NBPF14: variants seen among roughly 807,000 people sequenced by gnomAD.
NBPF14 encodes NBPF family member NBPF14.
In NBPF14, 104 loss-of-function variants were observed where a neutral mutation model predicts 91.2. The ratio of observed to expected loss-of-function variants is 1.14; its 90% confidence interval spans 0.97 to 1.34. The LOEUF (loss-of-function observed/expected upper bound fraction) is 1.34, where lower values mean the gene tolerates loss of function less well. NBPF14 is among the 40% of genes most tolerant of loss of function. The probability of loss-of-function intolerance (pLI) is 0.00; values close to 1 mark genes in which losing one functional copy is unlikely to be tolerated. For synonymous variants in NBPF14, 294 were observed against 303.8 expected, an observed-to-expected ratio of 0.97 and a Z score of 0.34; for missense variants, 908 against 783.0, an observed-to-expected ratio of 1.16 and a Z score of -1.91.
intron 7 of NBPF14, among the ~76,000 whole-genome samples, chr1:148,587,851 AT>A (rs1661810613): frequency 7.0e-6 from 1 of 142,426 alleles, no homozygotes; most frequent in East Asian, 2.0e-4. Context: ...TATGCGAAAG[AT>A]TTTTAAAATC....
At chr1:148,587,386 C>G in exon 8 of NBPF14, 1 of 1,580,116 alleles carries the variant, frequency 6.3e-7, no homozygotes, top group Non-Finnish European at 8.6e-7. Flanking sequence ...TTTATGAGGT[C>G]TTTGCACTCT....
intron 13 of NBPF14, among the ~76,000 whole-genome samples, 190 bp from the exon 14 acceptor site, chr1:148,578,224 G>T (rs1284262409): frequency 1.3e-5 from 2 of 151,630 alleles, no homozygotes; most frequent in African/African-American, 2.4e-5. Context: ...ATGAGCCTTG[G>T]GCAAAATTCC....
intron 2 of NBPF14, among the ~76,000 whole-genome samples, chr1:148,595,318 A>T (rs1481757620): frequency 6.7e-6 from 1 of 148,308 alleles, no homozygotes; most frequent in African/African-American, 2.5e-5. Flanking sequence ...AATAACTGTG[A>T]GTTTAACTCT....
At position 148,534,809 on chromosome 1, in the gene NBPF14, T is replaced by C. The variant is rs1570903444; in HGVS notation, c.8489A>G (p.Asp2830Gly). Residue 2830 changes from aspartate to glycine, a missense_variant, in exon 69 of 71, where the codon GAC becomes GGC. Around this residue, in one of 13 missense-constraint regions of NBPF14, gnomAD observed 279 missense variants for 107.7 expected, o/e 2.59. Transcript: ENST00000619423. ...AGTCGAATAACATCTATCCAGTGAGTCCTGCAAGACTTCAGGATCTTTCTC... is the reference window on the plus strand; with the variant it reads ...AGTCGAATAACATCTATCCAGTGAGCCCTGCAAGACTTCAGGATCTTTCTC... The C allele has an allele frequency of 9.6e-6, 10 of 1,044,890 alleles. No individual in the cohort carries two copies. In the East Asian group the frequency reaches 1.7e-4, roughly 17 times the overall value. The allele number at this position is 1,044,890 out of a possible 1,614,324, so 64.7% of individuals were successfully genotyped here.
In NBPF14 at chr1:148,534,725, G is replaced by C; in HGVS notation, c.8573C>G (p.Ser2858Ter). The C allele has an allele frequency of 1.2e-6, 1 of 836,386 alleles. No individual in the cohort carries two copies. Among genetic ancestry groups the C allele is most frequent in the Non-Finnish European group, 2.1e-6 (1 of 481,168 alleles). 51.8% of individuals were successfully genotyped at this position (836,386 alleles called of 1,614,324 possible). A position where few individuals can be genotyped will look rare whatever the true frequency, so the allele number is the denominator to read the frequency against. ...CAAGCCAAGGTACTGTTCCTCCAAT[G>C]AGTAAACAGCACTGCTGTAGGGCTG... is the stretch of plus-strand genomic sequence containing the variant. Residue 2858 changes from serine to a stop codon, truncating the protein, a stop_gained, in exon 69 of 71, where the codon TCA (serine) becomes TGA (stop). Transcript: ENST00000619423. LOFTEE classifies it high-confidence loss of function.
chr1:148,536,001 C>T (rs1269671836), intron 67 of NBPF14, among the ~76,000 whole-genome samples: 649 of 122,556 alleles, frequency 5.3e-3, no homozygotes, highest in African/African-American at 0.01. Context: ...AGGATTAGGG[C>T]GCCACAGGCA....
intron 68 of NBPF14, 36 bp from the exon 69 acceptor site, chr1:148,534,892 G>C (rs1315260913): frequency 4.2e-6 from 3 of 718,024 alleles, no homozygotes; most frequent in Non-Finnish European, 7.6e-6. Flanking sequence ...ATAAGCCAGG[G>C]GGAATCAGAA....
At chr1:148,577,543 G>A (rs1385734572) in intron 14 of NBPF14, among the ~76,000 whole-genome samples, 188 bp from the exon 15 acceptor site, 2 of 141,144 alleles carry the variant, frequency 1.4e-5, no homozygotes, top group Non-Finnish European at 3.1e-5. Context: ...GAACGAGAAA[G>A]ACACACACAC....
intron 40 of NBPF14, among the ~76,000 whole-genome samples, chr1:148,557,085 C>T (rs1392506752): frequency 8.3e-6 from 1 of 120,658 alleles, no homozygotes; most frequent in African/African-American, 4.3e-5. Context: ...CACACACACA[C>T]ACAGAGAGAG....
At chr1:148,534,880 G>A (rs1183286070) in intron 68 of NBPF14, 24 bp from the exon 69 acceptor site, 6 of 759,258 alleles carry the variant, frequency 7.9e-6, no homozygotes, top group Non-Finnish European at 1.4e-5. Context: ...AAAAAGTAAA[G>A]AATAAGCCAG....
At chr1:148,535,918 G>A (rs1655089715) in intron 67 of NBPF14, among the ~76,000 whole-genome samples, 1 of 150,452 alleles carries the variant, frequency 6.6e-6, no homozygotes, top group Admixed American at 6.6e-5. Flanking sequence ...AAATCTACAA[G>A]ATCTACAAAA....
At position 148,575,635 on chromosome 1, in the gene NBPF14, T is replaced by A; in HGVS notation, c.2251+4A>T. ...GCTTATCACCTTCACAGTAAGGTAC[T>A]CACTGTCCACGTCAAGAGCCAAGCC... On this transcript the variant is annotated splice_donor_region_variant and intron_variant, in intron 17 of 70. Transcript: ENST00000619423. 5.9e-6 allele frequency: 1 copy of A among 169,906 alleles called. No individual in the cohort carries two copies. Among genetic ancestry groups the A allele is most frequent in the Non-Finnish European group, 1.1e-5 (1 of 94,452 alleles). The allele number at this position is 169,906 out of a possible 1,614,324, so 10.5% of individuals were successfully genotyped here.
Position 148,566,401 on chromosome 1 carries a change from A to T in NBPF14, c.3543-86T>A, listed in dbSNP as rs1449406740. 1.6e-5 allele frequency: 10 copies of T among 633,892 alleles called. 2 individuals carry two copies. In the Admixed American group the frequency reaches 2.1e-4, roughly 13 times the overall value. 39.3% of individuals were successfully genotyped at this position (633,892 alleles called of 1,614,324 possible). ...ACTAGGTTTCATGGGTAGCATAGGG[A>T]AGTGGTTAAAAAACTAAAAGGATAG... On this transcript the variant is annotated intron_variant, in intron 28 of 70. Transcript: ENST00000619423.
At chr1:148,535,128 A>T (rs1383821153) in intron 68 of NBPF14, among the ~76,000 whole-genome samples, 1 of 146,852 alleles carries the variant, frequency 6.8e-6, no homozygotes, top group Non-Finnish European at 1.5e-5. Context: ...GTCAAAGGAC[A>T]CTCTGAGTTA....
intron 15 of NBPF14, among the ~76,000 whole-genome samples, chr1:148,576,739 T>A (rs1659834252): frequency 1.4e-5 from 2 of 144,412 alleles, no homozygotes; most frequent in South Asian, 4.6e-4. Context: ...ATTTTTCCAA[T>A]CGATTTAAAG....
chr1:148,533,668 G>C (rs1365482744), intron 70 of NBPF14, among the ~76,000 whole-genome samples, 193 bp downstream of exon 70: 1 of 149,206 alleles, frequency 6.7e-6, no homozygotes, highest in African/African-American at 2.5e-5. Flanking sequence ...TCAACCTATG[G>C]TACGTTAGGA....
At position 148,575,921 on chromosome 1, in the gene NBPF14, G is replaced by T. The variant is rs1659612019; in HGVS notation, c.2079-110C>A. On this transcript the variant is annotated intron_variant, in intron 16 of 70. Transcript: ENST00000619423. ...GAACTGTTTAAAAAGAAAAAGGACA[G>T]ATCCATTAATGAGGTAATGAATTAT... 1.3e-5 allele frequency: 5 copies of T among 384,722 alleles called. No individual in the cohort carries two copies. In the Admixed American group the frequency reaches 2.1e-4, roughly 16 times the overall value. The allele number at this position is 384,722 out of a possible 1,614,324, so 23.8% of individuals were successfully genotyped here.
intron 12 of NBPF14, among the ~76,000 whole-genome samples, chr1:148,579,764 C>A (rs1433507535): frequency 6.6e-6 from 1 of 152,138 alleles, no homozygotes; most frequent in Non-Finnish European, 1.5e-5. Context: ...TGGATTTAGA[C>A]ACATGGGAGA....
At chr1:148,568,963 A>C (rs1326308806) in intron 25 of NBPF14, among the ~76,000 whole-genome samples, 4 of 144,968 alleles carry the variant, frequency 2.8e-5, no homozygotes, top group African/African-American at 1.0e-4. Context: ...TACAAAATTG[A>C]GACAAAATCA....
Sources: allele counts gnomAD v4.1 joint callset (sites outside exome capture counted in the v4.1 genomes callset), GRCh38; gene constraint gnomAD v4.1.1; regional missense constraint gnomAD v4.1.1; transcripts MANE v1.5; gene names NCBI Gene and HGNC (gene_info 2026-07-23, HGNC 2026-07-21).